PTPRD: variants seen among roughly 807,000 people sequenced by gnomAD.
The protein encoded by PTPRD is protein tyrosine phosphatase receptor type D, also known as receptor-type tyrosine-protein phosphatase delta.
PTPRD carries 34 observed loss-of-function variants against 214.5 expected under a neutral mutation model. That is an observed-to-expected ratio of 0.16 (90% CI 0.12 to 0.21). PTPRD has a LOEUF of 0.21. Among genes scored for constraint, PTPRD ranks in the 10% least tolerant of loss-of-function variants. The pLI, the probability that PTPRD is intolerant of heterozygous loss-of-function variation, is 1.00. For missense variants in PTPRD, 2,545 were observed against 2,398.7 expected, an observed-to-expected ratio of 1.06 and a Z score of -1.27; for synonymous variants, 1,128 against 845.7, an observed-to-expected ratio of 1.33 and a Z score of -5.79.
At chr9:9,384,736 C>A (rs1227473877) in intron 9 of PTPRD, among the ~76,000 whole-genome samples, 1 of 151,928 alleles carries the variant, frequency 6.6e-6, no homozygotes, top group Non-Finnish European at 1.5e-5. Flanking sequence ...ATTATACAGA[C>A]TTTCTATTAT....
intron 7 of PTPRD, among the ~76,000 whole-genome samples, chr9:9,674,290 T>C (rs926582919): frequency 1.3e-5 from 2 of 151,758 alleles, no homozygotes; most frequent in African/African-American, 4.8e-5. Flanking sequence ...AACTTTGCAA[T>C]GTATATTTCC....
chr9:8,786,202 G>A (rs2095956473), intron 11 of PTPRD, among the ~76,000 whole-genome samples: 1 of 152,088 alleles, frequency 6.6e-6, no homozygotes, highest in Admixed American at 6.6e-5. Flanking sequence ...ACGACTCAGA[G>A]ATAATTGAAC....
At chr9:8,697,170 G>A (rs1164691169) in intron 12 of PTPRD, among the ~76,000 whole-genome samples, 1 of 152,068 alleles carries the variant, frequency 6.6e-6, no homozygotes, top group Non-Finnish European at 1.5e-5. Context: ...TAGTTGATTG[G>A]AAATAAAAGA....
chr9:9,129,331 A>G (rs1242552846), intron 10 of PTPRD, among the ~76,000 whole-genome samples: 5 of 152,358 alleles, frequency 3.3e-5, no homozygotes, highest in African/African-American at 1.2e-4. Flanking sequence ...CAGAGGTTGC[A>G]GTGAGCCAAG....
intron 3 of PTPRD, among the ~76,000 whole-genome samples, chr9:10,052,320 A>G (rs2097548885): frequency 6.6e-6 from 1 of 152,126 alleles, no homozygotes; most frequent in African/African-American, 2.4e-5. Flanking sequence ...TCATTCAAAC[A>G]CTGAGGTTAA....
At chr9:9,288,173 G>A (rs968052662) in intron 9 of PTPRD, among the ~76,000 whole-genome samples, 4 of 151,664 alleles carry the variant, frequency 2.6e-5, no homozygotes, top group African/African-American at 9.7e-5. Context: ...GTTTTATAAA[G>A]ATTTTTTCTT....
chr9:8,626,624 G>T (rs1564810810), intron 14 of PTPRD, among the ~76,000 whole-genome samples: 1 of 151,750 alleles, frequency 6.6e-6, no homozygotes, highest in Non-Finnish European at 1.5e-5. Context: ...CCTAATGTGG[G>T]CAACCCTTAT....
At chr9:8,325,406 G>A (rs146183234) in intron 44 of PTPRD, among the ~76,000 whole-genome samples, 6 of 149,212 alleles carry the variant, frequency 4.0e-5, no homozygotes, top group East Asian at 4.1e-4. Flanking sequence ...GTTTGCAGAT[G>A]TGTGGTGTTA....
At chr9:9,119,454 G>A (rs2154461839) in intron 10 of PTPRD, among the ~76,000 whole-genome samples, 1 of 152,024 alleles carries the variant, frequency 6.6e-6, no homozygotes, top group Non-Finnish European at 1.5e-5. Flanking sequence ...TTGAAATCCA[G>A]GCACAGAATC....
At chr9:8,916,467 G>A (rs1002384223) in intron 11 of PTPRD, among the ~76,000 whole-genome samples, 2 of 152,238 alleles carry the variant, frequency 1.3e-5, no homozygotes, top group Admixed American at 1.3e-4. Flanking sequence ...ACTGAAATAA[G>A]GGGTGTTCCC....
chr9:10,490,264 G>C (rs1646836539), intron 2 of PTPRD, among the ~76,000 whole-genome samples: 1 of 152,134 alleles, frequency 6.6e-6, no homozygotes, highest in South Asian at 2.1e-4. Context: ...AATTGCAAAA[G>C]CAGTGTGTGA....
chr9:9,092,963 A>G (rs988674002), intron 10 of PTPRD, among the ~76,000 whole-genome samples: 1 of 152,086 alleles, frequency 6.6e-6, no homozygotes. Context: ...ATACATGGAC[A>G]TAGCTAGGTT....
chr9:9,854,506 A>G (rs893557088), intron 5 of PTPRD, among the ~76,000 whole-genome samples: 1 of 147,862 alleles, frequency 6.8e-6, no homozygotes, highest in African/African-American at 2.4e-5. Flanking sequence ...AAAGATATCT[A>G]ATTTTTTTCT....
intron 14 of PTPRD, among the ~76,000 whole-genome samples, chr9:8,567,892 T>C (rs557490172): frequency 6.6e-6 from 1 of 152,288 alleles, no homozygotes; most frequent in South Asian, 2.1e-4. Flanking sequence ...TATTCTTGTA[T>C]ACTGTGACAT....
At chr9:9,935,720 A>C (rs1008272466) in intron 5 of PTPRD, among the ~76,000 whole-genome samples, 6 of 141,228 alleles carry the variant, frequency 4.2e-5, no homozygotes, top group African/African-American at 1.9e-4. Context: ...GAATTGGAAA[A>C]AACTACTTTA....
intron 2 of PTPRD, among the ~76,000 whole-genome samples, chr9:10,573,088 A>C (rs1434906052): frequency 1.3e-5 from 2 of 152,000 alleles, no homozygotes. Context: ...ATTAGCAGAT[A>C]CCTTACTTGT....
intron 3 of PTPRD, among the ~76,000 whole-genome samples, chr9:10,153,116 T>C (rs2099072050): frequency 6.6e-6 from 1 of 152,110 alleles, no homozygotes; most frequent in South Asian, 2.1e-4. Flanking sequence ...CTATAGTTAA[T>C]AATAATACAT....
In PTPRD at chr9:9,148,139, G is replaced by A. The variant is rs970415101; in HGVS notation, c.-143+35165C>T. 4.6e-5 allele frequency among the ~76,000 whole-genome samples: 7 copies of A among 152,210 alleles called. No homozygotes were observed. The East Asian group carries it at 1.2e-3, about 25-fold the overall frequency. ...AATAAAGAAGAAAATTACGAGCACT[G>A]GTGACTACCCTTTGTTTCCAGAGAG... is the stretch of plus-strand genomic sequence containing the variant. On this transcript the variant is annotated intron_variant, in intron 10 of 45. Coordinates refer to ENST00000381196, the MANE Select transcript of PTPRD (RefSeq NM_002839.4).
At chr9:9,551,939 A>G (rs540031093) in intron 8 of PTPRD, among the ~76,000 whole-genome samples, 3 of 151,784 alleles carry the variant, frequency 2.0e-5, no homozygotes, top group South Asian at 2.1e-4. Context: ...TGGCTGACAT[A>G]GAAGTGAGAA....
Sources: gnomAD v4.1 joint callset for allele counts (sites outside exome capture counted in the v4.1 genomes callset) on GRCh38, gnomAD v4.1.1 for gene constraint, MANE v1.5 for transcripts, NCBI Gene and HGNC (gene_info 2026-07-23, HGNC 2026-07-21) for gene names.